The following HSF2BP variants were observed in gnomAD, a reference collection of about 807,000 sequenced individuals.
HSF2BP encodes heat shock transcription factor 2 binding protein.
Under a neutral mutation model 35.0 loss-of-function variants are expected in HSF2BP, and 35 were observed. That is an observed-to-expected ratio of 1.00 (90% CI 0.76 to 1.32). HSF2BP has a LOEUF of 1.32. Ranked by LOEUF, HSF2BP falls within the 40% of genes most tolerant of loss-of-function variation. HSF2BP has a pLI of 0.00. For missense variants in HSF2BP, 326 were observed against 321.7 expected, an observed-to-expected ratio of 1.01 and a Z score of -0.10; for synonymous variants, 114 against 117.4, an observed-to-expected ratio of 0.97 and a Z score of 0.18.
intron 7 of HSF2BP, among the ~76,000 whole-genome samples, chr21:43,593,372 C>G (rs1304792502): frequency 1.3e-5 from 2 of 152,132 alleles, no homozygotes; most frequent in African/African-American, 4.8e-5. Flanking sequence ...AGGAAAGGAT[C>G]CTCAACCTGG....
intron 6 of HSF2BP, among the ~76,000 whole-genome samples, chr21:43,630,086 G>C (rs1293709932): frequency 6.6e-6 from 1 of 152,198 alleles, no homozygotes; most frequent in Non-Finnish European, 1.5e-5. Context: ...ACTTGCTGAA[G>C]GCTCAGATGA....
At chr21:43,640,840 A>C (rs1475851152) in intron 4 of HSF2BP, among the ~76,000 whole-genome samples, 2 of 152,188 alleles carry the variant, frequency 1.3e-5, no homozygotes, top group Non-Finnish European at 2.9e-5. Context: ...AAAACTATCA[A>C]ACTATACAAT....
intron 4 of HSF2BP, among the ~76,000 whole-genome samples, chr21:43,636,894 C>CAAAAAAAAAAAAA (rs34578952): frequency 1.8e-3 from 201 of 112,008 alleles, no homozygotes; most frequent in South Asian, 2.5e-3. Context: ...CGTCTCAAAA[C>CAAAAAAAAAAAAA]AAAAAAAAAA....
intron 4 of HSF2BP, among the ~76,000 whole-genome samples, chr21:43,640,690 G>T (rs747561171): frequency 2.6e-5 from 4 of 152,076 alleles, no homozygotes; most frequent in Admixed American, 1.3e-4. Flanking sequence ...GGAAAACCGG[G>T]TGAAGGGTAT....
In HSF2BP at chr21:43,656,568, G is replaced by C. The variant is rs540584101; in HGVS notation, c.187+19C>G. The C allele has an allele frequency of 6.2e-7, 1 of 1,601,574 alleles. No individual in the cohort carries two copies. The highest frequency in any genetic ancestry group is 8.5e-7 in the Non-Finnish European group (1 of 1,175,206). Reference sequence around the variant, plus strand: ...CAAATTACTGTTACCACCAATGACTGCTGAAAATGAAGACTCACTTTTTTC... The same window carrying C: ...CAAATTACTGTTACCACCAATGACTCCTGAAAATGAAGACTCACTTTTTTC... On this transcript the variant is annotated intron_variant, in intron 3 of 8. Coordinates refer to ENST00000291560, the MANE Select transcript of HSF2BP (RefSeq NM_007031.2).
At chr21:43,605,970 G>A (rs553202350) in intron 7 of HSF2BP, among the ~76,000 whole-genome samples, 1 of 152,182 alleles carries the variant, frequency 6.6e-6, no homozygotes, top group Admixed American at 6.5e-5. Flanking sequence ...AAAAGCAAAG[G>A]GGAGTGGAAT....
chr21:43,640,595 G>C (rs977241246), intron 4 of HSF2BP, among the ~76,000 whole-genome samples: 2 of 152,198 alleles, frequency 1.3e-5, no homozygotes, highest in Non-Finnish European at 2.9e-5. Context: ...GGTGAAACTG[G>C]TGAAACCTGA....
At chr21:43,620,925 GA>G (rs1293853399) in intron 6 of HSF2BP, among the ~76,000 whole-genome samples, 1 of 152,106 alleles carries the variant, frequency 6.6e-6, no homozygotes, top group Non-Finnish European at 1.5e-5. Flanking sequence ...TCACCTACAA[GA>G]TACAGAAAAT....
Position 43,618,435 on chromosome 21 carries a change from A to G in HSF2BP, c.575-4488T>C, listed in dbSNP as rs563615336. 3.9e-5 allele frequency among the ~76,000 whole-genome samples: 6 copies of G among 152,338 alleles called. No homozygotes were observed. The East Asian group carries it at 7.7e-4, about 20-fold the overall frequency. On this transcript the variant is annotated intron_variant, in intron 6 of 8. Coordinates refer to ENST00000291560, the MANE Select transcript of HSF2BP (RefSeq NM_007031.2). ...GACATATAAATCAATGGTAGAATTG[A>G]GAGTACAGAAATAAATCCTCACATT...
At chr21:43,599,662 C>T (rs1443646833) in intron 7 of HSF2BP, among the ~76,000 whole-genome samples, 8 of 151,792 alleles carry the variant, frequency 5.3e-5, no homozygotes, top group South Asian at 2.1e-4. Flanking sequence ...GGCGTGGTGG[C>T]GCACACCTGT....
At position 43,648,640 on chromosome 21, in the gene HSF2BP, G is replaced by A. The variant is rs191432962; in HGVS notation, c.188-4248C>T. Among the ~76,000 whole-genome samples the A allele has an allele frequency of 1.9e-3, 291 of 152,330 alleles. 2 individuals are homozygous for A. The highest frequency in any genetic ancestry group is 5.2e-3 in the African/African-American group (217 of 41,562). On this transcript the variant is annotated intron_variant, in intron 3 of 8. Transcript: ENST00000291560. Reference sequence around the variant, plus strand: ...TTTTATCTGGGCCACAATAAACTCCGAGTCAAAGTAATAATCCTTTTTTGG... The same window carrying A: ...TTTTATCTGGGCCACAATAAACTCCAAGTCAAAGTAATAATCCTTTTTTGG...
At chr21:43,622,538 C>T (rs1584918) in intron 6 of HSF2BP, among the ~76,000 whole-genome samples, 102,833 of 151,978 alleles carry the variant, frequency 0.68, 35,185 homozygotes, top group East Asian at 0.79. Context: ...CTATATCAGA[C>T]AAAATAGACT....
chr21:43,594,749 G>C (rs2081965260), intron 7 of HSF2BP, among the ~76,000 whole-genome samples: 1 of 151,876 alleles, frequency 6.6e-6, no homozygotes. Context: ...GAGGAAGCGA[G>C]GGAGAAAGAG....
Position 43,644,369 on chromosome 21 carries a change from A to C in HSF2BP, c.211T>G (p.Leu71Val). The stretch of plus-strand genomic sequence containing the variant: ...TCACAATCCATTTTCAGCTGCTCTA[A>C]TTCTTGCTCTTTCCTTTCCAGGTCT... ...EKNLERKEQELEQLKMDCEHF... is the reference protein window; with the variant it reads ...EKNLERKEQEVEQLKMDCEHF... The change falls in exon 4 of 9, where the codon TTA (leucine) becomes GTA (valine). Residue 71 changes from leucine (L) to valine (V), a missense_variant. By Grantham distance (32) the Leu-to-Val change is conservative. Transcript: ENST00000291560. 1.2e-6 allele frequency: 2 copies of C among 1,614,078 alleles called. No homozygotes were observed. The highest frequency in any genetic ancestry group is 2.2e-5 in the South Asian group (2 of 91,084).
chr21:43,578,160 C>T (rs989130397), intron 8 of HSF2BP, among the ~76,000 whole-genome samples: 2 of 152,164 alleles, frequency 1.3e-5, no homozygotes, highest in Admixed American at 1.3e-4. Flanking sequence ...CTGCACTGAC[C>T]ACCTTATGCC....
At chr21:43,630,580 A>C in intron 5 of HSF2BP, 126 bp from the exon 6 acceptor site, 1 of 1,214,390 alleles carries the variant, frequency 8.2e-7, no homozygotes. Context: ...TTCCCTCATT[A>C]AAAGTTCCCA....
chr21:43,601,445 A>AT (rs1182133122), intron 7 of HSF2BP, among the ~76,000 whole-genome samples: 2 of 152,156 alleles, frequency 1.3e-5, no homozygotes, highest in South Asian at 4.1e-4. Context: ...AAATTGCCTG[A>AT]TTTTTTTCTT....
rs552359405 is a variant in HSF2BP, at chr21:43,608,365, T to A, written c.692+5465A>T. Among the ~76,000 whole-genome samples the A allele has an allele frequency of 9.7e-4, 148 of 152,162 alleles. 2 individuals carry two copies. Among genetic ancestry groups the A allele is most frequent in the African/African-American group, 3.4e-3 (140 of 41,528 alleles). ...ATGAAAAAATGCCCAACATCACTAG[T>A]CATCAGGGAAACGCAAATCAAAACC... On this transcript the variant is annotated intron_variant, in intron 7 of 8. Transcript: ENST00000291560.
chr21:43,607,730 A>G (rs1423495838), intron 7 of HSF2BP, among the ~76,000 whole-genome samples: 2 of 152,202 alleles, frequency 1.3e-5, no homozygotes, highest in African/African-American at 2.4e-5. Flanking sequence ...ACAGCATAAC[A>G]CTGGTACAAA....
Sources: allele counts gnomAD v4.1 joint callset (sites outside exome capture counted in the v4.1 genomes callset), GRCh38; gene constraint gnomAD v4.1.1; transcripts MANE v1.5; gene names NCBI Gene and HGNC (gene_info 2026-07-23, HGNC 2026-07-21).